Variants in TTC28 observed in about 807,000 individuals in gnomAD.
TTC28 encodes the protein tetratricopeptide repeat protein 28.
A neutral mutation model predicts 198.0 loss-of-function variants in TTC28; 61 were observed. That is an observed-to-expected ratio of 0.31 (90% confidence interval 0.25 to 0.38). The LOEUF is 0.38. Ranked by LOEUF, TTC28 falls within the 10% of genes least tolerant of loss-of-function variation. The pLI is 1.00. For synonymous variants in TTC28, 1,171 were observed against 1,297.8 expected, an observed-to-expected ratio of 0.90 and a Z score of 2.10; for missense variants, 2,678 against 3,164.0, an observed-to-expected ratio of 0.85 and a Z score of 3.69.
intron 13 of TTC28, among the ~76,000 whole-genome samples, chr22:28,029,671 G>T (rs893812778): frequency 6.6e-6 from 1 of 152,142 alleles, no homozygotes; most frequent in African/African-American, 2.4e-5. Flanking sequence ...TTTCAAACTC[G>T]ATTCATCTTA....
At chr22:28,102,833 A>G (rs1942192183) in intron 8 of TTC28, among the ~76,000 whole-genome samples, 1 of 152,236 alleles carries the variant, frequency 6.6e-6, no homozygotes, top group African/African-American at 2.4e-5. Flanking sequence ...GGATAGCAAA[A>G]ATATTTGTAA....
chr22:28,445,799 T>C (rs1340708038), intron 2 of TTC28, among the ~76,000 whole-genome samples: 1 of 152,028 alleles, frequency 6.6e-6, no homozygotes, highest in Non-Finnish European at 1.5e-5. Context: ...CTCACACTGT[T>C]CCTTTCTACC....
chr22:28,405,330 A>G (rs2046983338), intron 2 of TTC28, among the ~76,000 whole-genome samples: 1 of 152,238 alleles, frequency 6.6e-6, no homozygotes. Flanking sequence ...CATTCACTCA[A>G]CAAATATTCC....
At chr22:28,269,667 G>A (rs946728489) in intron 5 of TTC28, among the ~76,000 whole-genome samples, 1 of 152,154 alleles carries the variant, frequency 6.6e-6, no homozygotes, top group Non-Finnish European at 1.5e-5. Context: ...AAAAAGTTTG[G>A]AAAATTAGAG....
intron 6 of TTC28, among the ~76,000 whole-genome samples, chr22:28,119,056 G>A (rs971347001): frequency 6.6e-6 from 1 of 152,042 alleles, no homozygotes; most frequent in African/African-American, 2.4e-5. Flanking sequence ...TTGTTTCATG[G>A]GTCTTATTCT....
chr22:28,304,044 G>T (rs1226977900), intron 3 of TTC28, among the ~76,000 whole-genome samples: 1 of 152,106 alleles, frequency 6.6e-6, no homozygotes, highest in African/African-American at 2.4e-5. Context: ...CCAGCACTTT[G>T]GGAGGCCAAG....
At chr22:28,640,332 A>G (rs2146234530) in intron 1 of TTC28, among the ~76,000 whole-genome samples, 1 of 148,920 alleles carries the variant, frequency 6.7e-6, no homozygotes, top group South Asian at 2.2e-4. Context: ...GGGAAAGATG[A>G]GCAATAAGAG....
intron 5 of TTC28, among the ~76,000 whole-genome samples, chr22:28,181,326 T>G (rs1319576410): frequency 2.0e-5 from 3 of 151,810 alleles, no homozygotes; most frequent in Non-Finnish European, 4.4e-5. Context: ...AACAGATTAA[T>G]AAGAAAACAA....
chr22:28,492,066 C>G (rs1418982897), intron 2 of TTC28, among the ~76,000 whole-genome samples: 1 of 149,376 alleles, frequency 6.7e-6, no homozygotes, highest in African/African-American at 2.5e-5. Flanking sequence ...ACAATGAGAA[C>G]ACATGGACAC....
intron 2 of TTC28, among the ~76,000 whole-genome samples, chr22:28,514,950 AT>A (rs966262781): frequency 3.9e-5 from 6 of 152,204 alleles, no homozygotes; most frequent in African/African-American, 1.2e-4. Context: ...CCTGTAATGT[AT>A]TCAGCTTTTA....
At chr22:27,992,517 C>G in intron 19 of TTC28, 70 bp downstream of exon 19, 1 of 1,497,290 alleles carries the variant, frequency 6.7e-7, no homozygotes, top group Non-Finnish European at 9.0e-7. Flanking sequence ...CTATTTAGGG[C>G]CAAGTTGCTC....
At chr22:28,511,781 G>A (rs1343160178) in intron 2 of TTC28, among the ~76,000 whole-genome samples, 2 of 151,144 alleles carry the variant, frequency 1.3e-5, no homozygotes, top group Admixed American at 1.3e-4. Flanking sequence ...TCATGCCACT[G>A]CACTCCAGCC....
At chr22:28,249,954 G>A (rs1454759338) in intron 5 of TTC28, among the ~76,000 whole-genome samples, 2 of 152,070 alleles carry the variant, frequency 1.3e-5, no homozygotes, top group Non-Finnish European at 2.9e-5. Context: ...TCCTCTTATT[G>A]TGATTAAAAT....
chr22:28,670,704 C>CATATATATATAT (rs146059811), intron 1 of TTC28, among the ~76,000 whole-genome samples: 10 of 128,590 alleles, frequency 7.8e-5, no homozygotes, highest in South Asian at 2.5e-4. Flanking sequence ...GTCTTTAGGG[C>CATATATATATAT]ATATATATAT....
intron 2 of TTC28, among the ~76,000 whole-genome samples, chr22:28,612,605 C>T (rs1234991792): frequency 6.6e-6 from 1 of 152,048 alleles, no homozygotes; most frequent in Non-Finnish European, 1.5e-5. Flanking sequence ...TCAGCAAATG[C>T]AGAAGAATGG....
intron 2 of TTC28, among the ~76,000 whole-genome samples, chr22:28,551,725 C>G (rs574332306): frequency 3.3e-5 from 5 of 152,124 alleles, no homozygotes; most frequent in African/African-American, 9.7e-5. Flanking sequence ...AAGGGACATA[C>G]TTTAATGTAA....
rs551502077 is a variant in TTC28, at chr22:28,549,289, G to A, written c.381+80263C>T. Among the ~76,000 whole-genome samples, 5 of 152,088 alleles carry A rather than the reference G, an allele frequency of 3.3e-5. No individual in the cohort carries two copies. The South Asian group carries it at 1.0e-3, about 32-fold the overall frequency. On this transcript the variant is annotated intron_variant, in intron 2 of 22. Coordinates refer to ENST00000397906, the MANE Select transcript of TTC28 (RefSeq NM_001145418.2). ...GGTGATCTACCCACCTAAGCCTCCCGAAGTGCTGGGATTACAGGTGTGAGC... is the reference window on the plus strand; with the variant it reads ...GGTGATCTACCCACCTAAGCCTCCCAAAGTGCTGGGATTACAGGTGTGAGC...
intron 2 of TTC28, among the ~76,000 whole-genome samples, chr22:28,551,612 G>A (rs887654592): frequency 1.3e-5 from 2 of 152,074 alleles, no homozygotes; most frequent in African/African-American, 4.8e-5. Context: ...CATAAACAGA[G>A]TTGAAAGCAA....
intron 12 of TTC28, among the ~76,000 whole-genome samples, chr22:28,092,708 T>C (rs1311333408): frequency 6.6e-6 from 1 of 152,200 alleles, no homozygotes; most frequent in East Asian, 1.9e-4. Context: ...ACCTAGTTTA[T>C]TATGGTCATT....
Sources: allele counts gnomAD v4.1 joint callset (sites outside exome capture counted in the v4.1 genomes callset), GRCh38; gene constraint gnomAD v4.1.1; transcripts MANE v1.5; gene names NCBI Gene and HGNC (gene_info 2026-07-23, HGNC 2026-07-21).